Variants in TGFBR3 observed in about 807,000 individuals in gnomAD.
TGFBR3 encodes the protein transforming growth factor beta receptor 3, also known as transforming growth factor beta receptor type 3.
TGFBR3 carries 46 observed loss-of-function variants against 87.9 expected under a neutral mutation model. The ratio of observed to expected loss-of-function variants is 0.52; its 90% CI spans 0.41 to 0.67. The LOEUF (loss-of-function observed/expected upper bound fraction) is 0.67. Ranked by LOEUF, TGFBR3 falls within the 30% of genes least tolerant of loss-of-function variation. TGFBR3 has a pLI of 0.00. For synonymous variants in TGFBR3, 381 were observed against 391.6 expected (o/e 0.97, Z 0.32); for missense variants, 866 against 1,041.9 (o/e 0.83, Z 2.32).
chr1:91,761,264 T>C (rs191510285), intron 3 of TGFBR3, among the ~76,000 whole-genome samples: 85 of 152,338 alleles, frequency 5.6e-4, no homozygotes, highest in Non-Finnish European at 6.6e-4. Flanking sequence ...GAGACAGATA[T>C]TGGTGCTCAG....
At chr1:91,885,571 G>A (rs1222241493) in intron 1 of TGFBR3, among the ~76,000 whole-genome samples, 3 of 152,180 alleles carry the variant, frequency 2.0e-5, no homozygotes, top group African/African-American at 7.2e-5. Context: ...GGGTCAGAAG[G>A]ACCCGCGGAG....
At chr1:91,752,396 T>C (rs1673575036) in intron 4 of TGFBR3, among the ~76,000 whole-genome samples, 1 of 152,030 alleles carries the variant, frequency 6.6e-6, no homozygotes, top group Non-Finnish European at 1.5e-5. Context: ...CATACACACA[T>C]TCACATACAT....
At position 91,904,288 on chromosome 1, in the gene TGFBR3, A is replaced by ATTT. The variant is rs1285182606; in HGVS notation, c.-175+1535_-175+1537dup. Among the ~76,000 whole-genome samples, 1,187 of 126,070 alleles carry ATTT rather than the reference A, an allele frequency of 9.4e-3. 15 individuals are homozygous for ATTT. The highest frequency in any genetic ancestry group is 0.032 in the African/African-American group (1,104 of 34,948). The allele number at this position is 126,070 out of a possible 152,430, so 82.7% of individuals were successfully genotyped here. A position where few individuals can be genotyped will look rare whatever the true frequency, so the allele number is the denominator to read the frequency against. On this transcript the variant is annotated intron_variant, in intron 1 of 17. Coordinates refer to the TGFBR3 transcript ENST00000370399. ...TGAAATTAGAAAGATCAGGGCTTGG[A>ATTT]TTTTTTTTTTTTTTTTTTTTTTAGA...
intron 3 of TGFBR3, among the ~76,000 whole-genome samples, chr1:91,793,733 G>A (rs1456727391): frequency 6.6e-6 from 1 of 150,644 alleles, no homozygotes; most frequent in Non-Finnish European, 1.5e-5. Flanking sequence ...TTGAACCCGG[G>A]AGGTGGAGGT....
At chr1:91,720,259 C>A in intron 8 of TGFBR3, 29 bp from the exon 9 acceptor site, 1 of 1,551,854 alleles carries the variant, frequency 6.4e-7, no homozygotes. Context: ...AAAACATCAG[C>A]AGTGTTTGAT....
At chr1:91,687,868 T>C (rs1223907868) in intron 16 of TGFBR3, among the ~76,000 whole-genome samples, 1 of 152,220 alleles carries the variant, frequency 6.6e-6, no homozygotes, top group African/African-American at 2.4e-5. Flanking sequence ...TTAGATTTAA[T>C]ATTCCTTGAT....
chr1:91,833,521 A>G (rs1232289823), intron 2 of TGFBR3, among the ~76,000 whole-genome samples: 1 of 149,410 alleles, frequency 6.7e-6, no homozygotes, highest in Non-Finnish European at 1.5e-5. Flanking sequence ...TAATCCCAGC[A>G]CTTTGGGAGG....
At chr1:91,692,889 G>A (rs1671313457) in intron 16 of TGFBR3, among the ~76,000 whole-genome samples, 1 of 152,204 alleles carries the variant, frequency 6.6e-6, no homozygotes, top group Admixed American at 6.5e-5. Flanking sequence ...GTAAACAAAG[G>A]AAAAGTTATT....
chr1:91,810,400 T>G (rs1402660885), intron 2 of TGFBR3, among the ~76,000 whole-genome samples: 2 of 152,148 alleles, frequency 1.3e-5, no homozygotes, highest in Non-Finnish European at 2.9e-5. Context: ...AATTCAGAGG[T>G]CCCTTAAACT....
chr1:91,870,765 G>C (rs1033567221), intron 1 of TGFBR3, among the ~76,000 whole-genome samples: 1 of 152,178 alleles, frequency 6.6e-6, no homozygotes, highest in African/African-American at 2.4e-5. Context: ...GGGAGGCAGA[G>C]GCCAAAGGCT....
At chr1:91,821,966 G>A (rs894568659) in intron 2 of TGFBR3, among the ~76,000 whole-genome samples, 5 of 152,082 alleles carry the variant, frequency 3.3e-5, no homozygotes, top group African/African-American at 1.2e-4. Context: ...TGATTATTTT[G>A]AAAGTTCCCA....
At chr1:91,733,736 G>T (rs1003043721) in intron 5 of TGFBR3, among the ~76,000 whole-genome samples, 1 of 152,044 alleles carries the variant, frequency 6.6e-6, no homozygotes, top group Non-Finnish European at 1.5e-5. Context: ...TGAAAATAAT[G>T]ATTTTTAAAA....
At chr1:91,714,533 T>C (rs1672093408) in intron 12 of TGFBR3, among the ~76,000 whole-genome samples, 1 of 150,634 alleles carries the variant, frequency 6.6e-6, no homozygotes, top group South Asian at 2.1e-4. Context: ...AAGGTATAAA[T>C]GGGAAAACAA....
rs760566089 is a variant in TGFBR3, at chr1:91,712,277, G to C, written c.2132C>G (p.Thr711Arg). The stretch of plus-strand genomic sequence containing the variant: ...CTTCTGGGGGTGCTTCTCCATCTTC[G>C]TACACAGCGTCAGCTCACACTGTAG... ...LFLQCELTLCTKMEKHPQKLP... is the reference protein window; with the variant it reads ...LFLQCELTLCRKMEKHPQKLP... Residue 711 changes from threonine (T) to arginine (R), a missense_variant, in exon 13 of 17, where the codon ACG becomes AGG. Thr to Arg is a moderately conservative substitution (Grantham distance 71). Transcript: ENST00000212355. The C allele has an allele frequency of 1.2e-6, 2 of 1,614,158 alleles. No individual in the cohort carries two copies. The highest frequency in any genetic ancestry group is 1.3e-5 in the African/African-American group (1 of 75,048).
intron 2 of TGFBR3, among the ~76,000 whole-genome samples, chr1:91,811,688 G>C (rs1676035582): frequency 6.6e-6 from 1 of 152,040 alleles, no homozygotes; most frequent in Non-Finnish European, 1.5e-5. Context: ...ATAAGATAAA[G>C]TACTGTACTA....
intron 14 of TGFBR3, among the ~76,000 whole-genome samples, chr1:91,707,795 C>A (rs1671844474): frequency 6.6e-6 from 1 of 152,208 alleles, no homozygotes; most frequent in Admixed American, 6.5e-5. Context: ...GCCTAGATAT[C>A]CCATGTGACA....
intron 14 of TGFBR3, among the ~76,000 whole-genome samples, chr1:91,704,469 T>C (rs1671727785): frequency 1.3e-5 from 2 of 152,206 alleles, no homozygotes; most frequent in Admixed American, 6.5e-5. Flanking sequence ...GCATAGGGTT[T>C]AAGAGCACAG....
chr1:91,786,137 A>G (rs565284846), intron 3 of TGFBR3: 3 of 446,728 alleles, frequency 6.7e-6, no homozygotes, highest in Admixed American at 5.0e-5. Flanking sequence ...CTCAACTCTA[A>G]TAGGTGCTAA....
At chr1:91,756,232 A>G (rs1163882544) in intron 4 of TGFBR3, among the ~76,000 whole-genome samples, 1 of 152,230 alleles carries the variant, frequency 6.6e-6, no homozygotes, top group African/African-American at 2.4e-5. Flanking sequence ...AGCCACGCAC[A>G]GCTATTTCCT....
Sources: allele counts gnomAD v4.1 joint callset (sites outside exome capture counted in the v4.1 genomes callset), GRCh38; gene constraint gnomAD v4.1.1; transcripts MANE v1.5; gene names NCBI Gene and HGNC (gene_info 2026-07-23, HGNC 2026-07-21).